IRAK1BP1: variants seen among roughly 807,000 people sequenced by gnomAD.
IRAK1BP1 encodes the protein interleukin-1 receptor-associated kinase 1-binding protein 1.
IRAK1BP1 carries 24 observed loss-of-function variants against 28.0 expected under a neutral mutation model. The ratio of observed to expected loss-of-function variants is 0.86; its 90% CI spans 0.62 to 1.20. The LOEUF (loss-of-function observed/expected upper bound fraction) is 1.20, where lower values mean the gene tolerates loss of function less well. Among genes scored for constraint, IRAK1BP1 ranks in the 50% most tolerant of loss-of-function variants. The pLI is 0.00. For synonymous variants in IRAK1BP1, 131 were observed against 116.3 expected (o/e 1.13, Z -0.81); for missense variants, 336 against 316.7 (o/e 1.06, Z -0.46).
At chr6:78,880,238 T>G (rs995163417) in intron 1 of IRAK1BP1, among the ~76,000 whole-genome samples, 2 of 152,230 alleles carry the variant, frequency 1.3e-5, no homozygotes, top group African/African-American at 2.4e-5. Flanking sequence ...GATTTCAGAT[T>G]TTTATTTTGG....
intron 2 of IRAK1BP1, among the ~76,000 whole-genome samples, chr6:78,892,890 G>C (rs951664099): frequency 2.0e-5 from 3 of 151,978 alleles, no homozygotes; most frequent in Non-Finnish European, 2.9e-5. Context: ...AGAAAAGAAA[G>C]ATGTAAAAAC....
the IRAK1BP1 span, among the ~76,000 whole-genome samples, chr6:78,973,078 G>C: frequency 6.6e-6 from 1 of 152,106 alleles, no homozygotes. Context: ...ATAATTGTCA[G>C]ATTCACCAAA....
the IRAK1BP1 span, chr6:78,961,887 G>T: frequency 5.3e-6 from 6 of 1,139,204 alleles, no homozygotes; most frequent in African/African-American, 9.5e-5. Flanking sequence ...CTTGAATTAA[G>T]ACTTAAAAAG....
At chr6:78,911,032 T>C (rs990546362) in intron 4 of IRAK1BP1, among the ~76,000 whole-genome samples, 1 of 152,210 alleles carries the variant, frequency 6.6e-6, no homozygotes, top group Non-Finnish European at 1.5e-5. Flanking sequence ...TTCCCTCCTA[T>C]GCCCTTTATT....
intron 1 of IRAK1BP1, among the ~76,000 whole-genome samples, chr6:78,870,887 G>A (rs1166682267): frequency 6.6e-6 from 1 of 151,812 alleles, no homozygotes; most frequent in Non-Finnish European, 1.5e-5. Context: ...ATTTTTGTAT[G>A]TTTAGTAGAG....
intron 4 of IRAK1BP1, among the ~76,000 whole-genome samples, chr6:78,913,083 C>A (rs570742614): frequency 1.3e-5 from 2 of 152,160 alleles, no homozygotes; most frequent in Non-Finnish European, 2.9e-5. Context: ...CGCCTGTAAT[C>A]CCAGCACTTT....
chr6:78,930,551 C>T (rs771392446), intron 4 of IRAK1BP1, among the ~76,000 whole-genome samples: 27 of 152,218 alleles, frequency 1.8e-4, no homozygotes, highest in Non-Finnish European at 3.4e-4. Context: ...CTCTGTGAAA[C>T]TTGTTATTTT....
rs146668628 is a variant in IRAK1BP1, at chr6:78,879,727, G to A, written c.316-5651G>A. 3.2e-4 allele frequency among the ~76,000 whole-genome samples: 48 copies of A among 152,150 alleles called. No homozygotes were observed. In the East Asian group the frequency reaches 7.7e-3, roughly 25 times the overall value. Reference sequence around the variant, plus strand: ...CCTTACTTATGTAGAGAAAAGACAAGAGTGACATCAGAGTCAGTAGTACAT... The same window carrying A: ...CCTTACTTATGTAGAGAAAAGACAAAAGTGACATCAGAGTCAGTAGTACAT... On this transcript the variant is annotated intron_variant, in intron 1 of 3. Transcript: ENST00000369940.
At chr6:78,976,306 A>C in the IRAK1BP1 span, among the ~76,000 whole-genome samples, 3 of 147,442 alleles carry the variant, frequency 2.0e-5, no homozygotes, top group African/African-American at 7.5e-5. Context: ...TGGTGCTGGG[A>C]AAACTGGCTA....
chr6:78,955,227 A>AT, the IRAK1BP1 span: 1 of 1,597,162 alleles, frequency 6.3e-7, no homozygotes, highest in Non-Finnish European at 8.6e-7. Context: ...CTAAAACTAT[A>AT]TTACCTTCCT....
At chr6:78,962,387 C>T in the IRAK1BP1 span, among the ~76,000 whole-genome samples, 1 of 152,070 alleles carries the variant, frequency 6.6e-6, no homozygotes, top group Admixed American at 6.5e-5. Flanking sequence ...ACTTAATATC[C>T]TAAAATATTG....
At chr6:78,974,070 T>C in the IRAK1BP1 span, among the ~76,000 whole-genome samples, 1,539 of 152,150 alleles carry the variant, frequency 0.01, 16 homozygotes, top group African/African-American at 0.03. Flanking sequence ...CAACAGAATA[T>C]ACATTTTTTT....
chr6:78,889,126 AAAAAAAAAG>A (rs1183585032), intron 2 of IRAK1BP1, among the ~76,000 whole-genome samples: 1 of 148,404 alleles, frequency 6.7e-6, no homozygotes, highest in African/African-American at 2.5e-5. Flanking sequence ...CAAAAAAAAA[AAAAAAAAAG>A]AAAGAAAGAA....
At chr6:78,954,809 C>G in the IRAK1BP1 span, 1 of 1,564,400 alleles carries the variant, frequency 6.4e-7, no homozygotes, top group Non-Finnish European at 8.6e-7. Flanking sequence ...TTCAAAAATA[C>G]TTACTGGATA....
the IRAK1BP1 span, among the ~76,000 whole-genome samples, chr6:78,972,780 A>G: frequency 6.5e-4 from 99 of 152,288 alleles, 2 homozygotes; most frequent in African/African-American, 2.3e-3. Flanking sequence ...GGGTATCAGC[A>G]ATGGAAGATG....
intron 4 of IRAK1BP1, chr6:78,939,545 A>T (rs1232517177): frequency 6.6e-6 from 1 of 151,882 alleles, no homozygotes; most frequent in Non-Finnish European, 1.5e-5. Flanking sequence ...AAAAATCCTG[A>T]AAAAAGAATT....
chr6:78,878,211 C>A (rs1771083238), intron 1 of IRAK1BP1, among the ~76,000 whole-genome samples: 1 of 152,148 alleles, frequency 6.6e-6, no homozygotes, highest in Non-Finnish European at 1.5e-5. Context: ...GGGTCTCTGA[C>A]CCCCGAGTAG....
At chr6:78,885,021 C>G (rs546277410) in intron 1 of IRAK1BP1, among the ~76,000 whole-genome samples, 2 of 151,904 alleles carry the variant, frequency 1.3e-5, no homozygotes, top group African/African-American at 2.4e-5. Context: ...AAAAGCAAAT[C>G]AAGTCATAAC....
chr6:78,937,304 ATTG>A (rs1352472964), intron 4 of IRAK1BP1: 2 of 151,788 alleles, frequency 1.3e-5, no homozygotes, highest in African/African-American at 2.4e-5. Context: ...TGAAGTAAAC[ATTG>A]TTAACTGGAG....
Sources: allele counts gnomAD v4.1 joint callset (sites outside exome capture counted in the v4.1 genomes callset), GRCh38; gene constraint gnomAD v4.1.1; transcripts MANE v1.5; gene names NCBI Gene and HGNC (gene_info 2026-07-23, HGNC 2026-07-21).